Variants in XPR1 observed in about 807,000 individuals in gnomAD.
XPR1 encodes the protein solute carrier family 53 member 1.
A neutral mutation model predicts 87.5 loss-of-function variants in XPR1; 28 were observed. The ratio of observed to expected loss-of-function variants is 0.32; its 90% CI spans 0.24 to 0.44. The LOEUF (loss-of-function observed/expected upper bound fraction) is 0.44. XPR1 is among the 20% of genes least tolerant of loss of function. The pLI is 1.00. For missense variants in XPR1, 559 were observed against 862.3 expected (o/e 0.65, Z 4.41); for synonymous variants, 300 against 306.1 (o/e 0.98, Z 0.21).
intron 2 of XPR1, among the ~76,000 whole-genome samples, chr1:180,766,449 A>G (rs1300152036): frequency 1.3e-5 from 2 of 152,204 alleles, no homozygotes; most frequent in Non-Finnish European, 2.9e-5. Context: ...TTGATTATCA[A>G]ATATAATTCT....
At chr1:180,806,027 G>T in intron 4 of XPR1, 35 bp from the exon 5 acceptor site, 2 of 1,599,644 alleles carry the variant, frequency 1.3e-6, no homozygotes, top group Non-Finnish European at 1.7e-6. Flanking sequence ...GATGGTAGTA[G>T]AAATTATAGT....
chr1:180,714,349 TTCTCTCTCTCTCTCTCTCTCTCTC>T (rs71121047), intron 2 of XPR1, among the ~76,000 whole-genome samples: 17 of 72,150 alleles, frequency 2.4e-4, no homozygotes, highest in South Asian at 1.8e-3. Flanking sequence ...TTTTTCCCTG[TTCTCTCTCTCTCTCTCTCTCTCTC>T]TCTCTCTCTC....
chr1:180,774,929 C>G (rs539862898), intron 2 of XPR1, among the ~76,000 whole-genome samples: 2 of 152,304 alleles, frequency 1.3e-5, no homozygotes, highest in East Asian at 3.9e-4. Context: ...CCTTCTGCTT[C>G]CAAGATGGCA....
intron 1 of XPR1, among the ~76,000 whole-genome samples, chr1:180,667,972 T>C (rs182033408): frequency 3.3e-5 from 5 of 152,216 alleles, no homozygotes; most frequent in African/African-American, 1.2e-4. Flanking sequence ...GTGTCTTCTC[T>C]CTTTTATTTC....
At chr1:180,732,175 A>G (rs893244715) in intron 2 of XPR1, among the ~76,000 whole-genome samples, 8 of 146,882 alleles carry the variant, frequency 5.4e-5, no homozygotes, top group Non-Finnish European at 1.5e-5. Context: ...CCTGGGTGAC[A>G]AAGTGAGACT....
At chr1:180,794,133 CAT>C (rs1232967946) in intron 3 of XPR1, among the ~76,000 whole-genome samples, 1 of 152,138 alleles carries the variant, frequency 6.6e-6, no homozygotes, top group Admixed American at 6.5e-5. Context: ...TTGGGAACAT[CAT>C]GTGTACTTAC....
intron 7 of XPR1, among the ~76,000 whole-genome samples, chr1:180,811,770 A>C (rs1650223600): frequency 6.6e-6 from 1 of 152,060 alleles, no homozygotes; most frequent in Non-Finnish European, 1.5e-5. Flanking sequence ...ATAATTTTTC[A>C]GAGTTTATTT....
intron 4 of XPR1, among the ~76,000 whole-genome samples, chr1:180,804,055 G>A (rs1296218611): frequency 6.6e-6 from 1 of 150,960 alleles, no homozygotes; most frequent in Non-Finnish European, 1.5e-5. Context: ...ACACGATCTC[G>A]GCTCACTGCA....
At chr1:180,662,187 C>G (rs1251936808) in intron 1 of XPR1, among the ~76,000 whole-genome samples, 2 of 152,118 alleles carry the variant, frequency 1.3e-5, no homozygotes, top group Non-Finnish European at 2.9e-5. Context: ...GAGATGATTT[C>G]TTACTGCTCA....
At chr1:180,837,404 TAA>T (rs1651332785) in intron 11 of XPR1, among the ~76,000 whole-genome samples, 1 of 152,204 alleles carries the variant, frequency 6.6e-6, no homozygotes, top group Non-Finnish European at 1.5e-5. Context: ...CTGTAGGTTG[TAA>T]AGAGATGTTA....
At chr1:180,658,625 C>T (rs57611740) in intron 1 of XPR1, among the ~76,000 whole-genome samples, 3,665 of 151,908 alleles carry the variant, frequency 0.024, 152 homozygotes, top group African/African-American at 0.082. Context: ...AGTGCAGTGG[C>T]GCGATCTTGG....
chr1:180,831,794 C>G (rs1558030131), intron 9 of XPR1, among the ~76,000 whole-genome samples: 1 of 152,036 alleles, frequency 6.6e-6, no homozygotes, highest in Non-Finnish European at 1.5e-5. Context: ...TCCAGTCTAT[C>G]ATTGTTGGGC....
At chr1:180,830,132 C>G in intron 9 of XPR1, among the ~76,000 whole-genome samples, 1 of 152,158 alleles carries the variant, frequency 6.6e-6, no homozygotes, top group East Asian at 1.9e-4. Flanking sequence ...TCCTTTAAGT[C>G]CATTCTGCAC....
intron 1 of XPR1, among the ~76,000 whole-genome samples, chr1:180,663,139 T>G (rs1655834590): frequency 6.6e-6 from 1 of 152,242 alleles, no homozygotes; most frequent in African/African-American, 2.4e-5. Flanking sequence ...GGTGCCTTAT[T>G]TAGTTCCTTT....
At chr1:180,754,170 A>T (rs1359451174) in intron 2 of XPR1, among the ~76,000 whole-genome samples, 1 of 152,192 alleles carries the variant, frequency 6.6e-6, no homozygotes, top group Non-Finnish European at 1.5e-5. Flanking sequence ...AACTTCTGAT[A>T]GAATGTCAGT....
intron 2 of XPR1, among the ~76,000 whole-genome samples, chr1:180,711,807 C>T (rs902677556): frequency 1.3e-5 from 2 of 152,182 alleles, no homozygotes; most frequent in Non-Finnish European, 2.9e-5. Flanking sequence ...ATTTTCTCCT[C>T]TGTTTGCATC....
intron 2 of XPR1, among the ~76,000 whole-genome samples, chr1:180,723,591 T>C (rs1270752875): frequency 1.3e-5 from 2 of 152,186 alleles, no homozygotes; most frequent in African/African-American, 4.8e-5. Context: ...GGTTAGAGAC[T>C]AGATGACATA....
At chr1:180,721,040 G>C (rs893536388) in intron 2 of XPR1, among the ~76,000 whole-genome samples, 1 of 152,060 alleles carries the variant, frequency 6.6e-6, no homozygotes, top group African/African-American at 2.4e-5. Flanking sequence ...TTCAAGACTA[G>C]CCTGGCCAGT....
chr1:180,874,995 G>A (rs953486927), intron 13 of XPR1, among the ~76,000 whole-genome samples: 2 of 152,186 alleles, frequency 1.3e-5, no homozygotes, highest in Non-Finnish European at 2.9e-5. Context: ...AATTAAACCT[G>A]AATGACATAC....
Sources: allele counts gnomAD v4.1 joint callset (sites outside exome capture counted in the v4.1 genomes callset), GRCh38; gene constraint gnomAD v4.1.1; transcripts MANE v1.5; gene names NCBI Gene and HGNC (gene_info 2026-07-23, HGNC 2026-07-21).